ENAH: variants seen among roughly 807,000 people sequenced by gnomAD.
ENAH encodes the protein ENAH actin regulator, also known as protein enabled homolog.
A neutral mutation model predicts 78.7 loss-of-function variants in ENAH; 23 were observed. The ratio of observed to expected loss-of-function variants is 0.29; its 90% confidence interval spans 0.21 to 0.41. ENAH has a LOEUF of 0.41. ENAH is among the 10% of genes least tolerant of loss of function. The probability of loss-of-function intolerance (pLI) is 1.00; values close to 1 mark genes in which losing one functional copy is unlikely to be tolerated. For synonymous variants in ENAH, 226 were observed against 241.0 expected (o/e 0.94, Z 0.58); for missense variants, 544 against 691.0 (o/e 0.79, Z 2.39).
intron 2 of ENAH, among the ~76,000 whole-genome samples, chr1:225,563,289 T>C (rs1177511103): frequency 6.6e-6 from 1 of 152,188 alleles, no homozygotes; most frequent in African/African-American, 2.4e-5. Flanking sequence ...TCTTAAACTT[T>C]GTATGGCTAG....
intron 9 of ENAH, among the ~76,000 whole-genome samples, 160 bp downstream of exon 9, chr1:225,512,497 A>G (rs1376375917): frequency 6.6e-6 from 1 of 152,232 alleles, no homozygotes; most frequent in African/African-American, 2.4e-5. Flanking sequence ...ATTTATAAAT[A>G]ACAGTCAAAA....
chr1:225,629,588 G>GA (rs377579413), intron 1 of ENAH, among the ~76,000 whole-genome samples: 6,375 of 123,278 alleles, frequency 0.052, 200 homozygotes, highest in South Asian at 0.12. Context: ...CACTGTCCCA[G>GA]AAAAAAAAAA....
At position 225,542,974 on chromosome 1, in the gene ENAH, G is replaced by A. The variant is rs373921668; in HGVS notation, c.349+11932C>T. The stretch of plus-strand genomic sequence containing the variant: ...TTCGAGGTTACAGTGAGTTATGATC[G>A]CACCACTGCACTCCAGATTGGGCAA... On this transcript the variant is annotated intron_variant, in intron 3 of 13. Coordinates refer to ENST00000366843, the MANE Select transcript of ENAH (RefSeq NM_018212.6). Among the ~76,000 whole-genome samples the A allele has an allele frequency of 5.0e-4, 76 of 150,674 alleles. 2 individuals are homozygous for A. In the South Asian group the frequency reaches 0.014, roughly 28 times the overall value.
intron 8 of ENAH, 28 bp downstream of exon 8, chr1:225,512,843 G>A: frequency 1.9e-6 from 3 of 1,611,314 alleles, no homozygotes; most frequent in Non-Finnish European, 2.5e-6. Context: ...TCAATTCTGG[G>A]CATGTCCATT....
chr1:225,597,680 G>GAAA (rs2096908946), intron 1 of ENAH, among the ~76,000 whole-genome samples: 1 of 145,090 alleles, frequency 6.9e-6, no homozygotes, highest in Non-Finnish European at 1.5e-5. Context: ...AAAAAAAGAC[G>GAAA]CTAAAGAGAT....
At chr1:225,585,739 T>TCGC (rs2096842890) in intron 1 of ENAH, among the ~76,000 whole-genome samples, 1 of 151,730 alleles carries the variant, frequency 6.6e-6, no homozygotes, top group East Asian at 1.9e-4. Context: ...CAGTGAAGCA[T>TCGC]GTCTGTACCA....
At chr1:225,503,658 CA>C (rs10683254) in intron 11 of ENAH, among the ~76,000 whole-genome samples, 4 of 82,946 alleles carry the variant, frequency 4.8e-5, no homozygotes, top group Admixed American at 1.5e-4. Flanking sequence ...CAAACCACCT[CA>C]AAAAAAAAAA....
At chr1:225,642,140 G>A (rs2148455346) in intron 1 of ENAH, among the ~76,000 whole-genome samples, 1 of 151,688 alleles carries the variant, frequency 6.6e-6, no homozygotes, top group Admixed American at 6.6e-5. Flanking sequence ...GGCAGAGGTT[G>A]CAGTGAGCCG....
At chr1:225,640,645 G>A (rs1057014135) in intron 1 of ENAH, among the ~76,000 whole-genome samples, 1 of 152,122 alleles carries the variant, frequency 6.6e-6, no homozygotes, top group Non-Finnish European at 1.5e-5. Flanking sequence ...CTAACTGGGT[G>A]ACCCTGGGCA....
intron 3 of ENAH, among the ~76,000 whole-genome samples, chr1:225,542,114 T>G (rs2096592240): frequency 6.6e-6 from 1 of 152,174 alleles, no homozygotes; most frequent in African/African-American, 2.4e-5. Context: ...AATCTTGACC[T>G]CAAGTGATCC....
intron 1 of ENAH, among the ~76,000 whole-genome samples, chr1:225,643,451 T>G (rs1255726857): frequency 6.6e-6 from 1 of 151,582 alleles, no homozygotes; most frequent in Non-Finnish European, 1.5e-5. Flanking sequence ...TAGGAATGTA[T>G]CCTAAAACAG....
At chr1:225,644,915 G>A (rs1404718709) in intron 1 of ENAH, among the ~76,000 whole-genome samples, 5 of 152,142 alleles carry the variant, frequency 3.3e-5, no homozygotes, top group Admixed American at 1.3e-4. Flanking sequence ...TAAGTTTTCT[G>A]AAGATTCTGA....
At chr1:225,600,348 ACAGT>A (rs1254580519) in intron 1 of ENAH, among the ~76,000 whole-genome samples, 1 of 152,206 alleles carries the variant, frequency 6.6e-6, no homozygotes. Flanking sequence ...AGCCTGGGCA[ACAGT>A]CAGACTCTGT....
chr1:225,622,911 A>G (rs1320379538), intron 1 of ENAH, among the ~76,000 whole-genome samples: 1 of 152,212 alleles, frequency 6.6e-6, no homozygotes, highest in African/African-American at 2.4e-5. Context: ...TTTCAAAAGG[A>G]AAAAACTAGA....
Position 225,639,745 on chromosome 1 carries a change from A to ACACACAC in ENAH, c.5+12940_5+12941insGTGTGTG, listed in dbSNP as rs1558949307. On this transcript the variant is annotated intron_variant, in intron 1 of 13. Transcript: ENST00000366843. ...ACACACACACACACACACACACACA[A>ACACACAC]GAAGGATGGTCCTACTTCCTCCAAG... Among the ~76,000 whole-genome samples, 507 of 101,198 alleles carry ACACACAC rather than the reference A, an allele frequency of 5.0e-3. 3 individuals are homozygous for ACACACAC. Among genetic ancestry groups the ACACACAC allele is most frequent in the African/African-American group, 0.029 (458 of 15,680 alleles). The allele number at this position is 101,198 out of a possible 152,430, so 66.4% of individuals were successfully genotyped here. A position where few individuals can be genotyped will look rare whatever the true frequency, so the allele number is the denominator to read the frequency against.
intron 4 of ENAH, among the ~76,000 whole-genome samples, chr1:225,522,886 A>C (rs983605686): frequency 6.6e-6 from 1 of 151,908 alleles, no homozygotes; most frequent in Non-Finnish European, 1.5e-5. Flanking sequence ...GAAAAGATCT[A>C]AGTTTTTAGA....
intron 1 of ENAH, among the ~76,000 whole-genome samples, chr1:225,585,450 T>C (rs187853288): frequency 1.3e-5 from 2 of 152,102 alleles, no homozygotes; most frequent in African/African-American, 4.8e-5. Context: ...TTCAAGTACA[T>C]CTATAATCAC....
intron 5 of ENAH, chr1:225,518,026 G>C: frequency 1.3e-6 from 2 of 1,497,460 alleles, no homozygotes; most frequent in Non-Finnish European, 1.8e-6. Context: ...CAAAAGACAG[G>C]ATAAAAAAGG....
chr1:225,513,907 T>C (rs1343628146), intron 7 of ENAH, among the ~76,000 whole-genome samples: 1 of 151,948 alleles, frequency 6.6e-6, no homozygotes, highest in East Asian at 1.9e-4. Flanking sequence ...CAAAATCGCT[T>C]GAACCTGGGA....
Sources: allele counts gnomAD v4.1 joint callset (sites outside exome capture counted in the v4.1 genomes callset), GRCh38; gene constraint gnomAD v4.1.1; transcripts MANE v1.5; gene names NCBI Gene and HGNC (gene_info 2026-07-23, HGNC 2026-07-21).